The following SBF2 variants were observed in gnomAD, a reference collection of about 807,000 sequenced individuals.
The protein encoded by SBF2 is myotubularin-related protein 13.
Under a neutral mutation model 225.2 loss-of-function variants are expected in SBF2, and 112 were observed. The ratio of observed to expected loss-of-function variants is 0.50; its 90% CI spans 0.43 to 0.58. The LOEUF is 0.58. Among genes scored for constraint, SBF2 ranks in the 20% least tolerant of loss-of-function variants. The probability of loss-of-function intolerance (pLI) is 0.00; values close to 1 mark genes in which losing one functional copy is unlikely to be tolerated. For missense variants in SBF2, 1,996 were observed against 2,206.2 expected, an observed-to-expected ratio of 0.90 and a Z score of 1.91; for synonymous variants, 763 against 773.3, an observed-to-expected ratio of 0.99 and a Z score of 0.22.
chr11:9,946,698 C>T (rs1865583780), intron 16 of SBF2, among the ~76,000 whole-genome samples: 3 of 152,188 alleles, frequency 2.0e-5, no homozygotes. Context: ...AATCCGCCCG[C>T]CTCGGCCTCC....
At chr11:10,072,908 T>C (rs577003506) in intron 2 of SBF2, among the ~76,000 whole-genome samples, 34 of 149,606 alleles carry the variant, frequency 2.3e-4, no homozygotes, top group African/African-American at 7.6e-4. Flanking sequence ...TTATTATTAT[T>C]ATTATCATCA....
At chr11:9,952,015 T>C (rs1865888125) in intron 16 of SBF2, among the ~76,000 whole-genome samples, 1 of 152,184 alleles carries the variant, frequency 6.6e-6, no homozygotes, top group African/African-American at 2.4e-5. Context: ...CTCCACATCT[T>C]TAATAAAGTA....
chr11:10,193,432 G>A (rs1957255440), intron 2 of SBF2, among the ~76,000 whole-genome samples: 1 of 142,250 alleles, frequency 7.0e-6, no homozygotes, highest in Admixed American at 7.7e-5. Context: ...TTGGCTCACT[G>A]CAAGCTCCGC....
intron 35 of SBF2, chr11:9,787,975 C>G: frequency 1.8e-6 from 1 of 555,038 alleles, no homozygotes; most frequent in Non-Finnish European, 3.2e-6. Context: ...CCTTTTTGTA[C>G]AGGATAGCTT....
chr11:10,104,394 A>G (rs1952460792), intron 2 of SBF2, among the ~76,000 whole-genome samples: 1 of 152,220 alleles, frequency 6.6e-6, no homozygotes, highest in Non-Finnish European at 1.5e-5. Flanking sequence ...GTATAACAAC[A>G]ATGGCTGCCC....
chr11:10,219,886 G>A (rs1958279593), intron 1 of SBF2, among the ~76,000 whole-genome samples: 1 of 152,124 alleles, frequency 6.6e-6, no homozygotes, highest in African/African-American at 2.4e-5. Context: ...AAGTCTCTAG[G>A]AAGTTCCAGA....
intron 6 of SBF2, among the ~76,000 whole-genome samples, chr11:10,010,178 C>T (rs563826188): frequency 2.6e-5 from 4 of 152,260 alleles, no homozygotes; most frequent in South Asian, 2.1e-4. Flanking sequence ...AATATTTTCT[C>T]GCATTCTGTA....
intron 2 of SBF2, among the ~76,000 whole-genome samples, chr11:10,192,987 A>C (rs974257203): frequency 6.6e-6 from 1 of 152,210 alleles, no homozygotes; most frequent in Non-Finnish European, 1.5e-5. Flanking sequence ...ACCAGATAGA[A>C]TATCTTGGGT....
At chr11:9,902,782 A>G (rs1224695441) in intron 16 of SBF2, among the ~76,000 whole-genome samples, 1 of 152,200 alleles carries the variant, frequency 6.6e-6, no homozygotes, top group Non-Finnish European at 1.5e-5. Context: ...AGATACAACT[A>G]AACTATACAA....
Position 10,081,037 on chromosome 11 carries a change from G to A in SBF2, c.142-38056C>T, listed in dbSNP as rs7130574. ...GGGGGATGTCAGCACACCACTGACA[G>A]CACTACGCAGAGTATCATGACAGAA... On this transcript the variant is annotated intron_variant, in intron 2 of 39. Transcript: ENST00000256190. 3.5e-3 allele frequency among the ~76,000 whole-genome samples: 538 copies of A among 152,232 alleles called. 3 individuals carry two copies. Among genetic ancestry groups the A allele is most frequent in the Non-Finnish European group, 6.0e-3 (410 of 68,012 alleles).
At chr11:9,799,724 A>G (rs1853369649) in intron 32 of SBF2, among the ~76,000 whole-genome samples, 1 of 152,162 alleles carries the variant, frequency 6.6e-6, no homozygotes, top group African/African-American at 2.4e-5. Context: ...CGGTGCTTAG[A>G]TTTCTAGGAA....
rs1422127668 is a variant in SBF2 at position 9,780,509 on chromosome 11, G to A, written c.5459C>T (p.Thr1820Ile). The A allele has an allele frequency of 6.2e-7, 1 of 1,614,088 alleles. No individual in the cohort carries two copies. The highest frequency in any genetic ancestry group is 1.1e-5 in the South Asian group (1 of 91,074). Residue 1820 changes from threonine (T) to isoleucine (I), a missense_variant, in exon 40 of 40, where the codon ACC (threonine) becomes ATC (isoleucine). Physicochemically the swap from Thr to Ile is moderately conservative, Grantham distance 89. Coordinates refer to ENST00000256190, the MANE Select transcript of SBF2 (RefSeq NM_030962.4). ...GCAGAAGTTATACACACGTTTGCTG[G>A]TCTTGAGCTACAAAACCAAATGACA... ...TSDKAFFDLK[T>I]SKRVYNFCAQ...
intron 1 of SBF2, among the ~76,000 whole-genome samples, chr11:10,249,617 T>G (rs1039982704): frequency 3.3e-5 from 5 of 152,012 alleles, no homozygotes; most frequent in African/African-American, 9.7e-5. Flanking sequence ...ATCAAGTGTT[T>G]TATACCTTTA....
intron 1 of SBF2, among the ~76,000 whole-genome samples, chr11:10,235,512 A>G (rs1959033545): frequency 6.7e-6 from 1 of 150,020 alleles, no homozygotes; most frequent in Non-Finnish European, 1.5e-5. Context: ...GGGCAACAAG[A>G]GCAAGACTCC....
intron 16 of SBF2, among the ~76,000 whole-genome samples, chr11:9,944,000 T>C (rs1865429169): frequency 6.6e-6 from 1 of 152,156 alleles, no homozygotes; most frequent in African/African-American, 2.4e-5. Context: ...TATCCTTCAA[T>C]AGCAGAATGG....
chr11:10,124,326 T>C (rs1953633603), intron 2 of SBF2, among the ~76,000 whole-genome samples: 1 of 152,216 alleles, frequency 6.6e-6, no homozygotes, highest in Non-Finnish European at 1.5e-5. Context: ...TTAACCTGCC[T>C]ACTTACTCTA....
intron 27 of SBF2, 158 bp from the exon 28 acceptor site, chr11:9,829,654 T>TAA: frequency 1.5e-6 from 1 of 650,746 alleles, no homozygotes; most frequent in South Asian, 1.8e-5. Context: ...CCACTTAAAT[T>TAA]GCCAGTCTAT....
At position 9,993,005 on chromosome 11, in the gene SBF2, T is replaced by C; in HGVS notation, c.1152A>G (p.Val384=). 1 of 1,606,178 alleles carries C rather than the reference T, an allele frequency of 6.2e-7. No homozygotes were observed. ...TCTATCTTACCTTGTGGAAATGTAT[T>C]ACTGGCTCTGCATGAATTCTTATAA... is the stretch of plus-strand genomic sequence containing the variant. ...LQLIRIHAEP[V]IHFHKTAFLG... Residue 384 remains valine, a synonymous_variant, in exon 11 of 40, where the codon GTA becomes GTG. Coordinates refer to ENST00000256190, the MANE Select transcript of SBF2 (RefSeq NM_030962.4).
intron 16 of SBF2, among the ~76,000 whole-genome samples, chr11:9,927,901 A>G (rs936083992): frequency 1.3e-5 from 2 of 152,224 alleles, no homozygotes; most frequent in African/African-American, 4.8e-5. Flanking sequence ...CAACAACTCT[A>G]TATCTGTTTG....
Sources: allele counts gnomAD v4.1 joint callset (sites outside exome capture counted in the v4.1 genomes callset), GRCh38; gene constraint gnomAD v4.1.1; transcripts MANE v1.5; gene names NCBI Gene and HGNC (gene_info 2026-07-23, HGNC 2026-07-21).